Variants in IARS2 observed in about 807,000 individuals in gnomAD.
IARS2 encodes the protein isoleucyl-tRNA synthetase 2, mitochondrial, also known as isoleucine--tRNA ligase, mitochondrial.
Under a neutral mutation model 126.3 loss-of-function variants are expected in IARS2, and 56 were observed. The observed-to-expected ratio is 0.44, with a 90% confidence interval of 0.36 to 0.55. The LOEUF (loss-of-function observed/expected upper bound fraction) is 0.55. Ranked by LOEUF, IARS2 falls within the 20% of genes least tolerant of loss-of-function variation. The pLI, the probability that IARS2 is intolerant of heterozygous loss-of-function variation, is 0.00. For synonymous variants in IARS2, 407 were observed against 441.1 expected, an observed-to-expected ratio of 0.92 and a Z score of 0.97; for missense variants, 1,127 against 1,245.9, an observed-to-expected ratio of 0.90 and a Z score of 1.44.
chr1:220,094,982 C>A (rs1418055211), intron 1 of IARS2, among the ~76,000 whole-genome samples: 9 of 149,232 alleles, frequency 6.0e-5, no homozygotes, highest in African/African-American at 2.0e-4. Context: ...TTAAAAAAAA[C>A]CTTAAAAACC....
intron 13 of IARS2, among the ~76,000 whole-genome samples, chr1:220,126,089 A>T (rs1657150308): frequency 6.7e-6 from 1 of 149,520 alleles, no homozygotes; most frequent in South Asian, 2.1e-4. Context: ...CCTGGGCAAC[A>T]GAGTGAAACT....
chr1:220,140,417 C>A, intron 19 of IARS2, 128 bp downstream of exon 19: 2 of 595,620 alleles, frequency 3.4e-6, no homozygotes, highest in South Asian at 4.0e-5. Flanking sequence ...ACCAGTATGG[C>A]AAAATACAAA....
intron 10 of IARS2, 86 bp downstream of exon 10, chr1:220,107,237 T>C: frequency 1.2e-6 from 1 of 803,820 alleles, no homozygotes; most frequent in South Asian, 1.5e-5. Flanking sequence ...CTCCTTATAC[T>C]TTAACAGAAA....
At chr1:220,138,961 G>C in intron 17 of IARS2, 47 bp from the exon 18 acceptor site, 1 of 1,541,342 alleles carries the variant, frequency 6.5e-7, no homozygotes, top group Non-Finnish European at 8.8e-7. Flanking sequence ...AAAATTGAAG[G>C]CACCATTAGA....
At chr1:220,097,365 CT>C (rs34660784) in intron 2 of IARS2, among the ~76,000 whole-genome samples, 187 of 134,430 alleles carry the variant, frequency 1.4e-3, no homozygotes, top group Non-Finnish European at 1.5e-3. Flanking sequence ...GTTCTTTTTT[CT>C]TTTTTTTTTT....
At chr1:220,133,691 C>T (rs1657313478) in intron 14 of IARS2, among the ~76,000 whole-genome samples, 1 of 152,062 alleles carries the variant, frequency 6.6e-6, no homozygotes, top group African/African-American at 2.4e-5. Context: ...CATAAAGTAT[C>T]ATGAAGAATT....
intron 2 of IARS2, among the ~76,000 whole-genome samples, chr1:220,097,190 A>C (rs999130763): frequency 6.6e-6 from 1 of 151,006 alleles, no homozygotes; most frequent in African/African-American, 2.5e-5. Context: ...TGTAGAGTCC[A>C]GATAGTTTTA....
chr1:220,135,373 T>C (rs1657350878), intron 15 of IARS2, among the ~76,000 whole-genome samples: 1 of 152,170 alleles, frequency 6.6e-6, no homozygotes, highest in Admixed American at 6.5e-5. Flanking sequence ...TGTTTCTTTT[T>C]TTTTTGAGAT....
At chr1:220,118,240 A>G in intron 12 of IARS2, 1 of 487,420 alleles carries the variant, frequency 2.1e-6, no homozygotes, top group Non-Finnish European at 4.2e-6. Context: ...TGATAACACC[A>G]TTAAACATAT....
At position 220,112,124 on chromosome 1, in the gene IARS2, C is replaced by CTTTTTT. The variant is rs1279509771; in HGVS notation, c.1479+1203_1479+1208dup. On this transcript the variant is annotated intron_variant, in intron 11 of 22. Coordinates refer to ENST00000366922, the MANE Select transcript of IARS2 (RefSeq NM_018060.4). ...TTATCTACACCCCTCCGACCACCTA[C>CTTTTTT]TTTTTTTTTTTTTTTTTTTTTGAGA... 2.6e-4 allele frequency among the ~76,000 whole-genome samples: 30 copies of CTTTTTT among 114,736 alleles called. 1 individual carries two copies. The highest frequency in any genetic ancestry group is 4.8e-4 in the Non-Finnish European group (26 of 54,374). The allele number at this position is 114,736 out of a possible 152,430, so 75.3% of individuals were successfully genotyped here. A position where few individuals can be genotyped will look rare whatever the true frequency, so the allele number is the denominator to read the frequency against.
At chr1:220,109,869 G>A (rs919048900) in intron 10 of IARS2, among the ~76,000 whole-genome samples, 1 of 152,172 alleles carries the variant, frequency 6.6e-6, no homozygotes. Context: ...TTCATGGCAT[G>A]AAAGATTATG....
chr1:220,102,891 A>G, intron 7 of IARS2, 114 bp downstream of exon 7: 1 of 687,522 alleles, frequency 1.5e-6, no homozygotes, highest in Non-Finnish European at 2.5e-6. Context: ...ATGAATTATA[A>G]CTTAGTTATT....
At chr1:220,104,572 A>C (rs1023403255) in intron 8 of IARS2, among the ~76,000 whole-genome samples, 1 of 151,790 alleles carries the variant, frequency 6.6e-6, no homozygotes, top group African/African-American at 2.4e-5. Context: ...TTTGGTAGAG[A>C]TGAGGTCTTG....
chr1:220,135,698 A>G (rs1446207802), intron 15 of IARS2, among the ~76,000 whole-genome samples: 1 of 145,884 alleles, frequency 6.9e-6, no homozygotes, highest in Non-Finnish European at 1.5e-5. Flanking sequence ...CGTTTTAAAG[A>G]CCAGTAAAAG....
In IARS2 at chr1:220,102,383, C is replaced by T. The variant is rs1254891716; in HGVS notation, c.720C>T (p.Tyr240=). The change falls in exon 5 of 23, where the codon TAC becomes TAT. Residue 240 remains tyrosine (Y), a synonymous_variant. Transcript: ENST00000366922. ...TATAGGGCTTGGTTTATCGATCTTA[C>T]AAACCTGTGTTTTGGTCTCCGTCAT... ...MYDKGLVYRS[Y]KPVFWSPSSR... is the part of the protein sequence containing the mutation. The T allele has an allele frequency of 6.2e-7, 1 of 1,613,706 alleles. No individual in the cohort carries two copies. The highest frequency in any genetic ancestry group is 8.5e-7 in the Non-Finnish European group (1 of 1,179,944).
chr1:220,139,946 TCTTTC>T (rs1657453221), intron 18 of IARS2, among the ~76,000 whole-genome samples: 1 of 152,236 alleles, frequency 6.6e-6, no homozygotes, highest in East Asian at 1.9e-4. Context: ...ACAATCTCAT[TCTTTC>T]CTTAATTAAT....
In IARS2 at chr1:220,094,135, C is replaced by G; in HGVS notation, c.-82C>G. The stretch of plus-strand genomic sequence containing the variant: ...CCCGGAGCGCGTGCGCCCTCTTACT[C>G]GGCTCCCCTTGGTTTCCTGGGGTCC... On this transcript the variant is annotated 5_prime_UTR_variant, in exon 1 of 23. Transcript: ENST00000366922. 3.3e-6 allele frequency: 4 copies of G among 1,218,482 alleles called. No individual in the cohort carries two copies. Among genetic ancestry groups the G allele is most frequent in the African/African-American group, 1.6e-5 (1 of 61,128 alleles). 75.5% of individuals were successfully genotyped at this position (1,218,482 alleles called of 1,614,324 possible).
chr1:220,107,244 G>A, intron 10 of IARS2, 93 bp downstream of exon 10: 3 of 756,390 alleles, frequency 4.0e-6, no homozygotes, highest in African/African-American at 1.8e-5. Context: ...TACTTTAACA[G>A]AAACAAAAAA....
chr1:220,116,149 T>C (rs931823158), intron 12 of IARS2, among the ~76,000 whole-genome samples: 3 of 152,074 alleles, frequency 2.0e-5, no homozygotes, highest in Admixed American at 2.0e-4. Context: ...TTTGAGGTTA[T>C]AGTGAGCTAT....
Sources: allele counts gnomAD v4.1 joint callset (sites outside exome capture counted in the v4.1 genomes callset), GRCh38; gene constraint gnomAD v4.1.1; transcripts MANE v1.5; gene names NCBI Gene and HGNC (gene_info 2026-07-23, HGNC 2026-07-21).